Variants in MTSS1 observed in about 807,000 individuals in gnomAD.
MTSS1 encodes MTSS I-BAR domain containing 1.
MTSS1 carries 18 observed loss-of-function variants against 79.0 expected under a neutral mutation model. That is an observed-to-expected ratio of 0.23 (90% CI 0.16 to 0.34). The LOEUF (loss-of-function observed/expected upper bound fraction) is 0.34, where lower values mean the gene tolerates loss of function less well. Among genes scored for constraint, MTSS1 ranks in the 10% least tolerant of loss-of-function variants. The pLI is 1.00. For missense variants in MTSS1, 815 were observed against 986.2 expected (o/e 0.83, Z 2.33); for synonymous variants, 341 against 368.6 (o/e 0.93, Z 0.86).
intron 1 of MTSS1, among the ~76,000 whole-genome samples, chr8:124,722,959 C>A (rs1405683087): frequency 1.3e-5 from 2 of 152,128 alleles, no homozygotes; most frequent in African/African-American, 4.8e-5. Context: ...ATGGAAAAAG[C>A]CGAGATGCAA....
chr8:124,578,081 C>T (rs1206810696), intron 6 of MTSS1, among the ~76,000 whole-genome samples: 1 of 152,136 alleles, frequency 6.6e-6, no homozygotes, highest in African/African-American at 2.4e-5. Flanking sequence ...CGTGGAGAGG[C>T]ATTTGGGGTC....
chr8:124,552,683 A>G lies in MTSS1; in HGVS notation c.*309T>C, dbSNP rs540143499. The G allele has an allele frequency of 2.7e-4, 91 of 335,220 alleles. No homozygotes were observed. The Middle Eastern group carries it at 4.3e-3, about 16-fold the overall frequency. 20.8% of individuals were successfully genotyped at this position (335,220 alleles called of 1,614,324 possible). A position where few individuals can be genotyped will look rare whatever the true frequency, so the allele number is the denominator to read the frequency against. On this transcript the variant is annotated 3_prime_UTR_variant, in exon 14 of 14. Transcript: ENST00000518547. ...TCCCCTGCCCCAACCCCCTTTATGC[A>G]TTTAAAATTTTACAAAGACTTGTAA... is the stretch of plus-strand genomic sequence containing the variant.
intron 3 of MTSS1, among the ~76,000 whole-genome samples, chr8:124,606,665 C>T (rs1027670621): frequency 6.6e-6 from 1 of 151,966 alleles, no homozygotes. Context: ...TTTCTTCCCC[C>T]ACCCCCGATC....
chr8:124,580,999 G>C (rs1326119982), intron 6 of MTSS1, among the ~76,000 whole-genome samples: 2 of 152,200 alleles, frequency 1.3e-5, no homozygotes, highest in Admixed American at 1.3e-4. Context: ...GTTTAAAATT[G>C]TAGTATAACA....
intron 1 of MTSS1, among the ~76,000 whole-genome samples, chr8:124,719,789 TG>T (rs1414506237): frequency 2.6e-5 from 4 of 152,226 alleles, no homozygotes; most frequent in Admixed American, 1.3e-4. Context: ...ATTACTAGGG[TG>T]GCTCAAATAG....
chr8:124,614,149 G>A (rs1319029445), intron 3 of MTSS1, among the ~76,000 whole-genome samples: 2 of 121,984 alleles, frequency 1.6e-5, no homozygotes, highest in Non-Finnish European at 3.2e-5. Flanking sequence ...GGGCGACAGA[G>A]CAAATACCTG....
intron 6 of MTSS1, among the ~76,000 whole-genome samples, chr8:124,574,851 C>T (rs1463442206): frequency 1.3e-5 from 2 of 152,230 alleles, no homozygotes; most frequent in African/African-American, 2.4e-5. Context: ...TCACCTGCCC[C>T]TGACTCACAC....
chr8:124,591,474 T>A (rs1270377301), intron 3 of MTSS1, among the ~76,000 whole-genome samples: 2 of 152,378 alleles, frequency 1.3e-5, no homozygotes, highest in East Asian at 3.9e-4. Context: ...TCCTACTATA[T>A]ACCACACTCT....
intron 3 of MTSS1, among the ~76,000 whole-genome samples, chr8:124,633,542 G>A (rs1302168004): frequency 1.3e-5 from 2 of 151,522 alleles, no homozygotes; most frequent in East Asian, 2.0e-4. Context: ...AGGTCGAGGC[G>A]GGTGGGTCAC....
At chr8:124,703,750 T>C (rs576625139) in intron 2 of MTSS1, among the ~76,000 whole-genome samples, 1 of 152,360 alleles carries the variant, frequency 6.6e-6, no homozygotes, top group African/African-American at 2.4e-5. Context: ...CTCAGTTTCC[T>C]CATCAGTAAA....
At chr8:124,647,099 C>T (rs1819136518) in intron 3 of MTSS1, among the ~76,000 whole-genome samples, 2 of 152,220 alleles carry the variant, frequency 1.3e-5, no homozygotes, top group South Asian at 2.1e-4. Context: ...ATCCTCCCGC[C>T]TCAGCTTCCC....
chr8:124,564,397 C>T (rs963966707), intron 9 of MTSS1, among the ~76,000 whole-genome samples: 1 of 152,098 alleles, frequency 6.6e-6, no homozygotes, highest in African/African-American at 2.4e-5. Flanking sequence ...ACTAGAATTA[C>T]TTGGTGCAAA....
intron 3 of MTSS1, among the ~76,000 whole-genome samples, chr8:124,637,935 T>G (rs1478248903): frequency 6.6e-6 from 1 of 152,216 alleles, no homozygotes; most frequent in African/African-American, 2.4e-5. Flanking sequence ...TATAGAAGAC[T>G]TACACACAAG....
intron 3 of MTSS1, among the ~76,000 whole-genome samples, chr8:124,594,713 G>A (rs925636841): frequency 2.0e-5 from 3 of 152,208 alleles, no homozygotes; most frequent in Non-Finnish European, 4.4e-5. Flanking sequence ...CAACTGGCAC[G>A]AAGACAGGAG....
Position 124,565,644 on chromosome 8 carries a change from G to A in MTSS1, c.824+18C>T. 1.2e-6 allele frequency: 2 copies of A among 1,602,774 alleles called. No homozygotes were observed. The highest frequency in any genetic ancestry group is 1.7e-6 in the Non-Finnish European group (2 of 1,169,722). On this transcript the variant is annotated intron_variant, in intron 9 of 13. Coordinates refer to ENST00000518547, the MANE Select transcript of MTSS1 (RefSeq NM_014751.6). Reference sequence around the variant, plus strand: ...ATGACCCGTCCTGAAAGCAAGAGTGGACCCCGGCTTCACTCACCTGCAGAC... The same window carrying A: ...ATGACCCGTCCTGAAAGCAAGAGTGAACCCCGGCTTCACTCACCTGCAGAC...
intron 3 of MTSS1, among the ~76,000 whole-genome samples, chr8:124,620,360 TG>T (rs1439756825): frequency 6.6e-6 from 1 of 152,172 alleles, no homozygotes; most frequent in African/African-American, 2.4e-5. Context: ...TTTTTGTCTG[TG>T]GGAAAATGCT....
At chr8:124,685,884 A>G (rs1183266330) in intron 3 of MTSS1, among the ~76,000 whole-genome samples, 1 of 152,160 alleles carries the variant, frequency 6.6e-6, no homozygotes, top group Non-Finnish European at 1.5e-5. Flanking sequence ...GACAAGTGGG[A>G]GGGGACAGGC....
chr8:124,558,579 C>T (rs1394809598), intron 10 of MTSS1: 1 of 1,274,546 alleles, frequency 7.8e-7, no homozygotes, highest in African/African-American at 1.5e-5. Flanking sequence ...GTCCCACCCT[C>T]TGTCCCCAAG....
In MTSS1 at chr8:124,562,936, G is replaced by A; in HGVS notation, c.881C>T (p.Ser294Phe). 6.2e-7 allele frequency: 1 copy of A among 1,613,526 alleles called. No homozygotes were observed. The highest frequency in any genetic ancestry group is 8.5e-7 in the Non-Finnish European group (1 of 1,179,776). ...DSRSSGSHSH[S>F]PSSHYRYRSS... ...GCGGTAGCGGTAATGTGAGCTGGGG[G>A]AATGCGAGTGGGAGCCGCTGGACCG... The change falls in exon 10 of 14, where the codon TCC becomes TTC. Residue 294 changes from serine (S) to phenylalanine (F), a missense_variant. Physicochemically the swap from Ser to Phe is radical, Grantham distance 155. Transcript: ENST00000518547.
Sources: allele counts gnomAD v4.1 joint callset (sites outside exome capture counted in the v4.1 genomes callset), GRCh38; gene constraint gnomAD v4.1.1; transcripts MANE v1.5; gene names NCBI Gene and HGNC (gene_info 2026-07-23, HGNC 2026-07-21).